NT5DC4: variants seen among roughly 807,000 people sequenced by gnomAD.
NT5DC4 encodes 5'-nucleotidase domain containing 4, also known as 5'-nucleotidase domain-containing protein 4.
A neutral mutation model predicts 26.6 loss-of-function variants in NT5DC4; 44 were observed. The observed-to-expected ratio is 1.65, with a 90% CI of 1.30 to 2.13. The LOEUF is 2.13. Ranked by LOEUF, NT5DC4 falls within the 30% of genes most tolerant of loss-of-function variation. NT5DC4 has a pLI of 0.00. For missense variants in NT5DC4, 399 were observed against 228.1 expected (o/e 1.75, Z -4.83); for synonymous variants, 157 against 86.7 (o/e 1.81, Z -4.51).
intron 15 of NT5DC4, 40 bp downstream of exon 15, chr2:112,726,778 G>A (rs1164553581): frequency 7.0e-6 from 5 of 717,108 alleles, no homozygotes; most frequent in Admixed American, 6.0e-5. Flanking sequence ...GGCCCAGCAG[G>A]GGCGGAGCCG....
At chr2:112,721,495 A>G in intron 1 of NT5DC4, 1 of 717,932 alleles carries the variant, frequency 1.4e-6, no homozygotes. Context: ...CCCTCACACC[A>G]ACAACTGCAC....
chr2:112,726,170 C>A (rs1398418303), intron 13 of NT5DC4, 68 bp from the exon 14 acceptor site: 2 of 715,186 alleles, frequency 2.8e-6, no homozygotes, highest in African/African-American at 1.7e-5. Flanking sequence ...AGGGCAGACA[C>A]AGGCAGGCAG....
intron 16 of NT5DC4, chr2:112,737,791 T>A (rs1574303403): frequency 6.6e-6 from 1 of 152,338 alleles, no homozygotes; most frequent in African/African-American, 2.4e-5. Context: ...AGCCAACTGG[T>A]ATATCCTTAG....
At position 112,724,125 on chromosome 2, in the gene NT5DC4, A is replaced by T; in HGVS notation, c.788A>T (p.Glu263Val). 1 of 717,050 alleles carries T rather than the reference A, an allele frequency of 1.4e-6. No individual in the cohort carries two copies. Among genetic ancestry groups the T allele is most frequent in the South Asian group, 1.5e-5 (1 of 67,578 alleles). 44.4% of individuals were successfully genotyped at this position (717,050 alleles called of 1,614,324 possible). Residue 263 changes from glutamate to valine, a missense_variant and splice_region_variant, in exon 10 of 17, where the codon GAG (glutamate) becomes GTG (valine). Transcript: ENST00000688554. Reference sequence around the variant, plus strand: ...ATGACCTACCTGTTCAGCATCAGTGAGGTGAGTGTTGGAGTGTTGCGTGCA... The same window carrying T: ...ATGACCTACCTGTTCAGCATCAGTGTGGTGAGTGTTGGAGTGTTGCGTGCA... The part of the protein sequence containing the change: ...AIMTYLFSIS[E>V]AEASGRPWRS...
At chr2:112,728,404 G>T (rs1038739749) in intron 15 of NT5DC4, among the ~76,000 whole-genome samples, 1 of 152,170 alleles carries the variant, frequency 6.6e-6, no homozygotes, top group East Asian at 1.9e-4. Context: ...GATGCTTCTG[G>T]GTTAAAAACA....
chr2:112,733,172 A>G (rs1678680938), intron 16 of NT5DC4, among the ~76,000 whole-genome samples: 1 of 151,952 alleles, frequency 6.6e-6, no homozygotes, highest in African/African-American at 2.4e-5. Context: ...GAGAAAACTC[A>G]TATCCTTAGA....
At chr2:112,742,672 G>C (rs1177727711), downstream of NT5DC4, 3 of 1,324,258 alleles carry the variant, frequency 2.3e-6, no homozygotes, top group Non-Finnish European at 3.2e-6. Context: ...GGTACAGCTA[G>C]AGAAGATGAA....
downstream of NT5DC4, chr2:112,742,630 C>T: frequency 2.0e-6 from 2 of 1,018,408 alleles, no homozygotes; most frequent in Non-Finnish European, 1.5e-6. Flanking sequence ...TTCTTTTCTT[C>T]TTTTTCCTAT....
At chr2:112,729,560 C>A (rs1026843927) in intron 15 of NT5DC4, 67 bp from the exon 16 acceptor site, 7 of 715,382 alleles carry the variant, frequency 9.8e-6, no homozygotes, top group Admixed American at 2.0e-5. Context: ...CTGTGCATAG[C>A]TGAGGAATCC....
chr2:112,738,425 T>C, intron 16 of NT5DC4: 1 of 183,224 alleles, frequency 5.5e-6, no homozygotes, highest in South Asian at 1.1e-4. Context: ...AGCGTCAAAG[T>C]TCAGATCTTC....
chr2:112,723,681 G>A (rs1342386043), intron 8 of NT5DC4, 38 bp from the exon 9 acceptor site: 1 of 712,994 alleles, frequency 1.4e-6, no homozygotes, highest in Non-Finnish European at 2.6e-6. Context: ...GCAGCTCTGG[G>A]AGTCCCACCC....
rs572963233 is a variant in NT5DC4, at chr2:112,729,689, C to G, written c.1329C>G (p.Leu443=). Residue 443 remains leucine, a synonymous_variant, in exon 16 of 17, where the codon CTC becomes CTG. Coordinates refer to ENST00000688554, the MANE Select transcript of NT5DC4 (RefSeq NM_001393655.1). The part of the protein sequence containing the change: ...QANLDPASCL[L]SCNQRFIKRS... ...ATCTAGACCCTGCCTCCTGCCTCCT[C>G]TCCTGCAACCAGAGGGTGAGTGGCT... 1,383 of 717,836 alleles carry G rather than the reference C, an allele frequency of 1.9e-3. 24 individuals carry two copies. The highest frequency in any genetic ancestry group is 0.019 in the Middle Eastern group (82 of 4,376). The allele number at this position is 717,836 out of a possible 1,614,324, so 44.5% of individuals were successfully genotyped here. A position where few individuals can be genotyped will look rare whatever the true frequency, so the allele number is the denominator to read the frequency against.
downstream of NT5DC4, chr2:112,740,893 G>A (rs748136198): frequency 8.1e-6 from 13 of 1,613,918 alleles, no homozygotes; most frequent in African/African-American, 4.0e-5. Flanking sequence ...GGGTGTCGCC[G>A]TGACTTGTTC....
rs896042906 is a variant in NT5DC4 at position 112,724,799 on chromosome 2, C to T, written c.808C>T (p.Pro270Ser). 2.8e-6 allele frequency: 2 copies of T among 717,152 alleles called. No individual in the cohort carries two copies. Among genetic ancestry groups the T allele is most frequent in the Non-Finnish European group, 5.2e-6 (2 of 385,018 alleles). The allele number at this position is 717,152 out of a possible 1,614,324, so 44.4% of individuals were successfully genotyped here. Residue 270 changes from proline to serine, a missense_variant, in exon 11 of 17, where the codon CCC (proline) becomes TCC (serine). Transcript: ENST00000688554. The stretch of plus-strand genomic sequence containing the variant: ...CCAACAGGCTGAAGCCTCGGGCAGG[C>T]CCTGGAGGTCCTACTTTGACCTGAT... ...SISEAEASGR[P>S]WRSYFDLIVV...
chr2:112,733,646 A>G (rs1411749149), intron 16 of NT5DC4, among the ~76,000 whole-genome samples: 1 of 152,248 alleles, frequency 6.6e-6, no homozygotes, highest in Non-Finnish European at 1.5e-5. Context: ...CAAGACAGAC[A>G]TAGGCTGGGC....
At chr2:112,729,960 T>C (rs929759841) in intron 16 of NT5DC4, among the ~76,000 whole-genome samples, 1 of 152,188 alleles carries the variant, frequency 6.6e-6, no homozygotes, top group Non-Finnish European at 1.5e-5. Context: ...GAGATGATAA[T>C]TGTATCGATG....
At chr2:112,736,007 A>G (rs1293158810) in intron 16 of NT5DC4, among the ~76,000 whole-genome samples, 2 of 152,114 alleles carry the variant, frequency 1.3e-5, no homozygotes, top group African/African-American at 2.4e-5. Flanking sequence ...TTTTGAGGAA[A>G]GACATAAAAC....
Position 112,723,917 on chromosome 2 carries a change from C to T in NT5DC4, c.756+115C>T, listed in dbSNP as rs553651498. 89 of 689,320 alleles carry T rather than the reference C, an allele frequency of 1.3e-4. No homozygotes were observed. The South Asian group carries it at 1.4e-3, about 11-fold the overall frequency. The allele number at this position is 689,320 out of a possible 1,614,324, so 42.7% of individuals were successfully genotyped here. On this transcript the variant is annotated intron_variant, in intron 9 of 16. Coordinates refer to ENST00000688554, the MANE Select transcript of NT5DC4 (RefSeq NM_001393655.1). The stretch of plus-strand genomic sequence containing the variant: ...CGGGGAGCCAAGACCCTCCTACCCC[C>T]ACCACTGGGCTGGTCTCCTGGACTC...
intron 16 of NT5DC4, chr2:112,738,607 A>T (rs1010694503): frequency 7.1e-6 from 4 of 560,536 alleles, no homozygotes; most frequent in African/African-American, 5.6e-5. Flanking sequence ...AAATTTATGT[A>T]TACTGTAAAA....
Sources: gnomAD v4.1 joint callset for allele counts (sites outside exome capture counted in the v4.1 genomes callset) on GRCh38, gnomAD v4.1.1 for gene constraint, MANE v1.5 for transcripts, NCBI Gene and HGNC (gene_info 2026-07-23, HGNC 2026-07-21) for gene names.